GUCY2C: variants seen among roughly 807,000 people sequenced by gnomAD.
The protein encoded by GUCY2C is guanylate cyclase 2C, also known as guanylyl cyclase C.
A neutral mutation model predicts 131.1 loss-of-function variants in GUCY2C; 118 were observed. That is an observed-to-expected ratio of 0.90 (90% CI 0.78 to 1.05). The LOEUF (loss-of-function observed/expected upper bound fraction) is 1.05, where lower values mean the gene tolerates loss of function less well. Ranked by LOEUF, GUCY2C falls within the 50% of genes least tolerant of loss-of-function variation. The pLI is 0.00. For synonymous variants in GUCY2C, 452 were observed against 457.8 expected (o/e 0.99, Z 0.16); for missense variants, 1,161 against 1,304.4 (o/e 0.89, Z 1.69).
At position 14,613,246 on chromosome 12, in the gene GUCY2C, G is replaced by A; in HGVS notation, c.3093C>T (p.Ala1031=). The change falls in exon 27 of 27, where the codon GCC becomes GCT. Residue 1031 remains alanine (A), a synonymous_variant. Coordinates refer to ENST00000261170, the MANE Select transcript of GUCY2C (RefSeq NM_004963.4). This position sits in a 1 kb window ranked among gnomAD's most constrained non-coding sequence, Gnocchi z 4.9. ...CTGCCTGTCTTTTCTGTAAAGAGTT[G>A]GCAATCATGTCTGAAAATTCTGCTT... is the stretch of plus-strand genomic sequence containing the variant. ...RLQAEFSDMI[A]NSLQKRQAAG... The A allele has an allele frequency of 6.2e-7, 1 of 1,613,272 alleles. No individual in the cohort carries two copies. The highest frequency in any genetic ancestry group is 8.5e-7 in the Non-Finnish European group (1 of 1,179,438).
At position 14,696,434 on chromosome 12, in the gene GUCY2C, C is replaced by T; in HGVS notation, c.15G>A (p.Leu5=). The T allele has an allele frequency of 6.2e-7, 1 of 1,613,680 alleles. No individual in the cohort carries two copies. The highest frequency in any genetic ancestry group is 8.5e-7 in the Non-Finnish European group (1 of 1,179,778). ...GCAGTGACCACAAAGCCAAGTCCAACAGCAACGTCTTCATGACCCCAATCA... is the reference window on the plus strand; with the variant it reads ...GCAGTGACCACAAAGCCAAGTCCAATAGCAACGTCTTCATGACCCCAATCA... MKTL[L]LDLALWSLLF... Residue 5 remains leucine (L), a synonymous_variant, in exon 1 of 27, where the codon CTG becomes CTA. Transcript: ENST00000261170.
At chr12:14,674,277 A>C in intron 8 of GUCY2C, 2 of 327,930 alleles carry the variant, frequency 6.1e-6, no homozygotes, top group South Asian at 3.0e-5. Context: ...GGAGATATGG[A>C]AGGACCCAAA....
intron 19 of GUCY2C, among the ~76,000 whole-genome samples, chr12:14,633,582 TA>T (rs1947199397): frequency 6.6e-6 from 1 of 151,708 alleles, no homozygotes; most frequent in South Asian, 2.1e-4. Flanking sequence ...AGGAAATTAA[TA>T]AAATTCTGGA....
At chr12:14,679,010 G>T (rs1948292967) in intron 6 of GUCY2C, among the ~76,000 whole-genome samples, 1 of 152,146 alleles carries the variant, frequency 6.6e-6, no homozygotes, top group Non-Finnish European at 1.5e-5. Flanking sequence ...AGAGGGTGAG[G>T]AATAATTGTG....
rs777964411 is a variant in GUCY2C, at chr12:14,613,219, T to C, written c.3120A>G (p.Ala1040=). The C allele has an allele frequency of 2.5e-6, 4 of 1,613,370 alleles. No homozygotes were observed. Among genetic ancestry groups the C allele is most frequent in the Non-Finnish European group, 3.4e-6 (4 of 1,179,386 alleles). ...GTCTGGGTTTTTGGCTTCTTATCCCTGCTGCCTGTCTTTTCTGTAAAGAGT... is the reference window on the plus strand; with the variant it reads ...GTCTGGGTTTTTGGCTTCTTATCCCCGCTGCCTGTCTTTTCTGTAAAGAGT... ...IANSLQKRQA[A]GIRSQKPRRV... Residue 1040 remains alanine (A), a synonymous_variant, in exon 27 of 27, where the codon GCA becomes GCG. Coordinates refer to ENST00000261170, the MANE Select transcript of GUCY2C (RefSeq NM_004963.4). This position sits in a 1 kb window ranked among gnomAD's most constrained non-coding sequence, Gnocchi z 4.9.
At chr12:14,632,965 G>T (rs1171621149) in intron 19 of GUCY2C, among the ~76,000 whole-genome samples, 1 of 152,160 alleles carries the variant, frequency 6.6e-6, no homozygotes, top group Admixed American at 6.5e-5. Flanking sequence ...CAACACCAGT[G>T]CAGACTGCTT....
intron 11 of GUCY2C, among the ~76,000 whole-genome samples, chr12:14,657,253 A>G (rs1389397460): frequency 6.6e-6 from 1 of 152,130 alleles, no homozygotes; most frequent in Non-Finnish European, 1.5e-5. Flanking sequence ...AAAATACAGG[A>G]AAAAAATGTA....
rs531966437 is a variant in GUCY2C at position 14,642,553 on chromosome 12, T to C, written c.1930+1021A>G. Among the ~76,000 whole-genome samples, 3 of 152,320 alleles carry C rather than the reference T, an allele frequency of 2.0e-5. No homozygotes were observed. The South Asian group carries it at 6.2e-4, about 32-fold the overall frequency. Reference sequence around the variant, plus strand: ...TTTGTGTCTTGTGAATTTTTGTGAATTGTGATTCATGCATAGTTGATCATA... The same window carrying C: ...TTTGTGTCTTGTGAATTTTTGTGAACTGTGATTCATGCATAGTTGATCATA... On this transcript the variant is annotated intron_variant, in intron 17 of 26. Transcript: ENST00000261170.
chr12:14,690,968 G>A lies in GUCY2C; in HGVS notation c.218-2905C>T, dbSNP rs189257837. Reference sequence around the variant, plus strand: ...TTTAATTTCTCTCACTTAGTTTCTCGCATGTAAAATGAGGTTAAAACCAAG... The same window carrying A: ...TTTAATTTCTCTCACTTAGTTTCTCACATGTAAAATGAGGTTAAAACCAAG... On this transcript the variant is annotated intron_variant, in intron 1 of 26. Coordinates refer to ENST00000261170, the MANE Select transcript of GUCY2C (RefSeq NM_004963.4). 1.5e-4 allele frequency among the ~76,000 whole-genome samples: 23 copies of A among 152,240 alleles called. No individual in the cohort carries two copies. The South Asian group carries it at 2.5e-3, about 16-fold the overall frequency.
In GUCY2C at chr12:14,613,372, A is replaced by G; in HGVS notation, c.3048-81T>C. On this transcript the variant is annotated intron_variant, in intron 26 of 26. Transcript: ENST00000261170. This position sits in a 1 kb window ranked among gnomAD's most constrained non-coding sequence, Gnocchi z 4.9. ...TCCTTAGCTCCAGAATAATCAGTTCAGTTAGTCAGTTACTCTTTGAATGCC... is the reference window on the plus strand; with the variant it reads ...TCCTTAGCTCCAGAATAATCAGTTCGGTTAGTCAGTTACTCTTTGAATGCC... The G allele has an allele frequency of 9.7e-7, 1 of 1,028,760 alleles. No homozygotes were observed. The highest frequency in any genetic ancestry group is 2.4e-5 in the East Asian group (1 of 42,168). 63.7% of individuals were successfully genotyped at this position (1,028,760 alleles called of 1,614,324 possible). A position where few individuals can be genotyped will look rare whatever the true frequency, so the allele number is the denominator to read the frequency against.
At chr12:14,682,145 A>G (rs1435448497) in intron 4 of GUCY2C, among the ~76,000 whole-genome samples, 1 of 152,126 alleles carries the variant, frequency 6.6e-6, no homozygotes, top group Non-Finnish European at 1.5e-5. Context: ...GAGTTGAATG[A>G]ATCTTTCCAT....
chr12:14,639,296 T>C (rs1323546372), intron 19 of GUCY2C, among the ~76,000 whole-genome samples: 1 of 42,628 alleles, frequency 2.3e-5, no homozygotes, highest in East Asian at 8.4e-4. Context: ...CAAGACTCCG[T>C]CTCAAAAAAA....
In GUCY2C at chr12:14,632,148, T is replaced by A. The variant is rs1163262766; in HGVS notation, c.2158-3411A>T. ...ATTAGCCCTTTCTCAGATGAGTAGGTTGCGAAAATTTTCTCCCATTTTGTA... is the reference window on the plus strand; with the variant it reads ...ATTAGCCCTTTCTCAGATGAGTAGGATGCGAAAATTTTCTCCCATTTTGTA... On this transcript the variant is annotated intron_variant, in intron 19 of 26. Transcript: ENST00000261170. 4.6e-5 allele frequency among the ~76,000 whole-genome samples: 7 copies of A among 152,332 alleles called. No individual in the cohort carries two copies. In the East Asian group the frequency reaches 1.4e-3, roughly 29 times the overall value.
chr12:14,651,336 GTAAA>G, intron 15 of GUCY2C, 67 bp downstream of exon 15: 1 of 789,608 alleles, frequency 1.3e-6, no homozygotes, highest in Non-Finnish European at 2.2e-6. Context: ...ATTTTACTCG[GTAAA>G]TATTTTAAAA....
At chr12:14,683,989 C>T (rs1031119314) in intron 3 of GUCY2C, among the ~76,000 whole-genome samples, 6 of 152,096 alleles carry the variant, frequency 3.9e-5, no homozygotes, top group African/African-American at 1.4e-4. Context: ...TTGCAGTTAT[C>T]CTCCCTTTCT....
At chr12:14,696,190 G>A (rs1474239315) in intron 1 of GUCY2C, 42 bp downstream of exon 1, 2 of 1,457,882 alleles carry the variant, frequency 1.4e-6, no homozygotes, top group Non-Finnish European at 1.9e-6. Context: ...GTCCCCAGAG[G>A]TAGTAACAGA....
At chr12:14,632,218 G>A (rs1319345194) in intron 19 of GUCY2C, among the ~76,000 whole-genome samples, 5 of 152,002 alleles carry the variant, frequency 3.3e-5, no homozygotes, top group South Asian at 2.1e-4. Context: ...CTGTGCAGAA[G>A]CTCTTTAGTT....
chr12:14,656,724 T>C (rs2137047065), intron 11 of GUCY2C, 107 bp from the exon 12 acceptor site: 1 of 575,658 alleles, frequency 1.7e-6, no homozygotes, highest in South Asian at 2.5e-5. Context: ...GGTAGATATG[T>C]GTGAGGGAAG....
intron 5 of GUCY2C, among the ~76,000 whole-genome samples, chr12:14,680,665 A>G (rs1329637098): frequency 6.6e-6 from 1 of 152,124 alleles, no homozygotes; most frequent in African/African-American, 2.4e-5. Context: ...CTTAGTGAGG[A>G]TGACTTCTTT....
Sources: gnomAD v4.1 joint callset for allele counts (sites outside exome capture counted in the v4.1 genomes callset) on GRCh38, gnomAD v4.1.1 for gene constraint, Gnocchi (gnomAD v3.1) non-coding constraint, MANE v1.5 for transcripts, NCBI Gene and HGNC (gene_info 2026-07-23, HGNC 2026-07-21) for gene names.